The following PTPRD variants were observed in gnomAD, a reference collection of about 807,000 sequenced individuals.
The protein encoded by PTPRD is receptor-type tyrosine-protein phosphatase delta.
In PTPRD, 34 loss-of-function variants were observed where a neutral mutation model predicts 214.5. The observed-to-expected ratio is 0.16, with a 90% confidence interval of 0.12 to 0.21. The LOEUF (loss-of-function observed/expected upper bound fraction) is 0.21. Ranked by LOEUF, PTPRD falls within the 10% of genes least tolerant of loss-of-function variation. PTPRD has a pLI of 1.00. For missense variants in PTPRD, 2,545 were observed against 2,398.7 expected (o/e 1.06, Z -1.27); for synonymous variants, 1,128 against 845.7 (o/e 1.33, Z -5.79).
intron 8 of PTPRD, among the ~76,000 whole-genome samples, chr9:9,457,030 A>T (rs925506524): frequency 6.6e-6 from 1 of 151,958 alleles, no homozygotes; most frequent in African/African-American, 2.4e-5. Context: ...GTCATAGGGC[A>T]ACTCTCTCTG....
chr9:9,695,419 T>A (rs1016447340), intron 7 of PTPRD, among the ~76,000 whole-genome samples: 20 of 152,170 alleles, frequency 1.3e-4, no homozygotes, highest in African/African-American at 3.4e-4. Context: ...GGAAGGATTG[T>A]GCAAACCCTC....
intron 9 of PTPRD, among the ~76,000 whole-genome samples, chr9:9,276,431 G>C (rs1174928554): frequency 6.6e-6 from 1 of 151,306 alleles, no homozygotes; most frequent in Non-Finnish European, 1.5e-5. Flanking sequence ...AACTGTTTTG[G>C]TAATGGGCAA....
At chr9:10,027,626 C>T (rs1160537276) in intron 4 of PTPRD, among the ~76,000 whole-genome samples, 1 of 152,110 alleles carries the variant, frequency 6.6e-6, no homozygotes, top group Non-Finnish European at 1.5e-5. Flanking sequence ...TAAGGTTATT[C>T]TCCTTTATAC....
At chr9:9,864,788 G>T (rs2063574446) in intron 5 of PTPRD, among the ~76,000 whole-genome samples, 1 of 152,098 alleles carries the variant, frequency 6.6e-6, no homozygotes, top group Non-Finnish European at 1.5e-5. Flanking sequence ...CACTAGGATT[G>T]CAGACATGAA....
At chr9:9,942,892 G>GTTT (rs1362017878) in intron 4 of PTPRD, among the ~76,000 whole-genome samples, 59 of 114,116 alleles carry the variant, frequency 5.2e-4, no homozygotes, top group African/African-American at 2.6e-3. Flanking sequence ...ATTGCTCTGA[G>GTTT]TTGTTTTTTT....
At chr9:10,333,842 G>A (rs551119060) in intron 3 of PTPRD, among the ~76,000 whole-genome samples, 71 of 151,836 alleles carry the variant, frequency 4.7e-4, no homozygotes, top group Non-Finnish European at 2.8e-4. Flanking sequence ...CTGCATCTAT[G>A]CACTTGACTG....
At chr9:9,883,015 T>G (rs2069341804) in intron 5 of PTPRD, among the ~76,000 whole-genome samples, 1 of 152,126 alleles carries the variant, frequency 6.6e-6, no homozygotes, top group Admixed American at 6.6e-5. Flanking sequence ...GTAAGCTACA[T>G]GAGGTCTCAT....
intron 12 of PTPRD, among the ~76,000 whole-genome samples, chr9:8,639,689 A>G (rs1424002437): frequency 2.6e-5 from 4 of 152,212 alleles, no homozygotes; most frequent in African/African-American, 9.6e-5. Flanking sequence ...ATCTGCAACT[A>G]GGCAATGGAT....
At chr9:9,347,329 T>C (rs1486653352) in intron 9 of PTPRD, among the ~76,000 whole-genome samples, 2 of 149,768 alleles carry the variant, frequency 1.3e-5, no homozygotes, top group Non-Finnish European at 1.5e-5. Flanking sequence ...TAAATATATA[T>C]ATATATCTAT....
intron 3 of PTPRD, among the ~76,000 whole-genome samples, chr9:10,040,115 A>G (rs778828396): frequency 8.5e-5 from 13 of 152,164 alleles, no homozygotes; most frequent in Admixed American, 2.6e-4. Flanking sequence ...AGTGTTTGGT[A>G]GGTAATACTC....
At chr9:9,776,079 T>C (rs1038373334) in intron 5 of PTPRD, among the ~76,000 whole-genome samples, 8 of 151,750 alleles carry the variant, frequency 5.3e-5, no homozygotes, top group African/African-American at 1.9e-4. Flanking sequence ...ATCAAGTGAG[T>C]GACTCCTGCC....
chr9:9,536,409 G>T (rs577240024), intron 8 of PTPRD, among the ~76,000 whole-genome samples: 1 of 151,918 alleles, frequency 6.6e-6, no homozygotes, highest in Non-Finnish European at 1.5e-5. Context: ...CATATTAAAG[G>T]ACAGGAATTA....
chr9:9,159,593 G>T (rs2099884568), intron 10 of PTPRD, among the ~76,000 whole-genome samples: 1 of 152,110 alleles, frequency 6.6e-6, no homozygotes, highest in Non-Finnish European at 1.5e-5. Context: ...CTGTGTTCAT[G>T]GATTGGAAGA....
chr9:10,200,916 AAAAAC>A (rs915404617), intron 3 of PTPRD, among the ~76,000 whole-genome samples: 1 of 152,146 alleles, frequency 6.6e-6, no homozygotes, highest in African/African-American at 2.4e-5. Context: ...TTTGGTAAAT[AAAAAC>A]AAGTTTGCAT....
chr9:9,392,816 A>T (rs1418457648), intron 9 of PTPRD, among the ~76,000 whole-genome samples: 1 of 152,052 alleles, frequency 6.6e-6, no homozygotes, highest in Non-Finnish European at 1.5e-5. Flanking sequence ...TCCAGTCTTC[A>T]CTTTCAATCT....
At position 8,675,289 on chromosome 9, in the gene PTPRD, T is replaced by C. The variant is rs577404415; in HGVS notation, c.65-38445A>G. Among the ~76,000 whole-genome samples, 4 of 152,198 alleles carry C rather than the reference T, an allele frequency of 2.6e-5. No homozygotes were observed. In the East Asian group the frequency reaches 7.7e-4, roughly 29 times the overall value. On this transcript the variant is annotated intron_variant, in intron 12 of 45. Coordinates refer to ENST00000381196, the MANE Select transcript of PTPRD (RefSeq NM_002839.4). The stretch of plus-strand genomic sequence containing the variant: ...TGAGGGGTGGAAATTTTTGTACCTA[T>C]TTTATGGAATTGCTATGAAATGGAA...
intron 35 of PTPRD, among the ~76,000 whole-genome samples, chr9:8,427,635 T>C (rs893677297): frequency 5.9e-5 from 9 of 152,074 alleles, no homozygotes; most frequent in African/African-American, 2.2e-4. Flanking sequence ...AACTAGCAAG[T>C]TTCCATTTCT....
At chr9:8,956,665 T>C (rs1198813272) in intron 11 of PTPRD, among the ~76,000 whole-genome samples, 1 of 151,788 alleles carries the variant, frequency 6.6e-6, no homozygotes. Flanking sequence ...GGGGAGCAGT[T>C]ATCAAGCTCC....
intron 9 of PTPRD, among the ~76,000 whole-genome samples, chr9:9,355,806 A>G (rs1313499392): frequency 6.6e-6 from 1 of 151,542 alleles, no homozygotes; most frequent in Non-Finnish European, 1.5e-5. Flanking sequence ...GGAGCATTTC[A>G]ATGTTAATAG....
Sources: gnomAD v4.1 joint callset for allele counts (sites outside exome capture counted in the v4.1 genomes callset) on GRCh38, gnomAD v4.1.1 for gene constraint, MANE v1.5 for transcripts, NCBI Gene and HGNC (gene_info 2026-07-23, HGNC 2026-07-21) for gene names.